The following METTL4 variants were observed in gnomAD, a reference collection of about 807,000 sequenced individuals.
METTL4 encodes N(6)-adenine-specific methyltransferase METTL4.
Under a neutral mutation model 54.0 loss-of-function variants are expected in METTL4, and 40 were observed. The ratio of observed to expected loss-of-function variants is 0.74; its 90% CI spans 0.58 to 0.96. The LOEUF (loss-of-function observed/expected upper bound fraction) is 0.96. Ranked by LOEUF, METTL4 falls within the 50% of genes least tolerant of loss-of-function variation. The probability of loss-of-function intolerance (pLI) is 0.00; values close to 1 mark genes in which losing one functional copy is unlikely to be tolerated. For missense variants in METTL4, 525 were observed against 549.0 expected, an observed-to-expected ratio of 0.96 and a Z score of 0.44; for synonymous variants, 169 against 183.8, an observed-to-expected ratio of 0.92 and a Z score of 0.65.
At chr18:2,545,002 A>G (rs2072051010) in intron 6 of METTL4, among the ~76,000 whole-genome samples, 1 of 152,136 alleles carries the variant, frequency 6.6e-6, no homozygotes, top group South Asian at 2.1e-4. Context: ...TGTCATTTCA[A>G]TATGTAATCA....
chr18:2,547,650 G>A (rs1363028271), intron 5 of METTL4, 121 bp from the exon 6 acceptor site: 1 of 679,504 alleles, frequency 1.5e-6, no homozygotes, highest in Non-Finnish European at 2.2e-6. Context: ...ATTTATTTGT[G>A]TAGCAAAATA....
In METTL4 at chr18:2,567,046, T is replaced by G; in HGVS notation, c.171A>C (p.Gly57=). 3 of 1,614,134 alleles carry G rather than the reference T, an allele frequency of 1.9e-6. No individual in the cohort carries two copies. The highest frequency in any genetic ancestry group is 2.5e-6 in the Non-Finnish European group (3 of 1,180,008). The part of the protein sequence containing the change: ...SLQMDSVSSS[G]VCAAFIASDS... ...CAGAAGCAATAAATGCAGCACAGAC[T>G]CCAGAGGAGGACACAGAATCCATTT... The change falls in exon 2 of 9, where the codon GGA becomes GGC. Residue 57 remains glycine (G), a synonymous_variant. Transcript: ENST00000574538.
intron 8 of METTL4, among the ~76,000 whole-genome samples, chr18:2,541,867 T>C (rs2071997246): frequency 6.6e-6 from 1 of 152,134 alleles, no homozygotes; most frequent in South Asian, 2.1e-4. Flanking sequence ...ACAGAATATA[T>C]ATCATCCCAA....
At chr18:2,559,540 T>C (rs2072285764) in intron 3 of METTL4, among the ~76,000 whole-genome samples, 1 of 152,168 alleles carries the variant, frequency 6.6e-6, no homozygotes, top group Admixed American at 6.5e-5. Context: ...CACTAAATTG[T>C]ACATCTAAAA....
chr18:2,565,947 T>C (rs998092282), intron 2 of METTL4, among the ~76,000 whole-genome samples: 1 of 151,722 alleles, frequency 6.6e-6, no homozygotes, highest in Non-Finnish European at 1.5e-5. Flanking sequence ...CTCGGGAGGC[T>C]GAGGCAGGAG....
chr18:2,568,478 A>G (rs8097536), intron 1 of METTL4: 147,541 of 152,328 alleles, frequency 0.97, 71,599 homozygotes, highest in South Asian at 1. Flanking sequence ...GTGGCTGGGC[A>G]TGGTGGCCCA....
In METTL4 at chr18:2,562,978, A is replaced by G. The variant is rs560096731; in HGVS notation, c.459+819T>C. Among the ~76,000 whole-genome samples, 7 of 152,328 alleles carry G rather than the reference A, an allele frequency of 4.6e-5. No homozygotes were observed. In the South Asian group the frequency reaches 1.0e-3, roughly 23 times the overall value. On this transcript the variant is annotated intron_variant, in intron 3 of 8. Transcript: ENST00000574538. ...GGGAAAAAAAACCCAGGGTTCTACC[A>G]TCACATTAATTCAACAAGACCGAAT... is the stretch of plus-strand genomic sequence containing the variant.
At position 2,539,064 on chromosome 18, in the gene METTL4, C is replaced by T. The variant is rs1352131987; in HGVS notation, c.1355G>A (p.Trp452Ter). The T allele has an allele frequency of 6.2e-7, 1 of 1,613,866 alleles. No individual in the cohort carries two copies. The highest frequency in any genetic ancestry group is 1.1e-5 in the South Asian group (1 of 91,076). ...CTGAAATTTGAGAACTTCATTGCCC[C>T]AACTAGTCCAACCTGGCTGTAAATT... ...ARNLQPGWTSWGNEVLKFQHV... is the reference protein window; with the variant it reads ...ARNLQPGWTS The change falls in exon 9 of 9, where the codon TGG (tryptophan) becomes TAG (stop). Residue 452 changes from tryptophan to a stop codon, truncating the protein, a stop_gained. Transcript: ENST00000574538. LOFTEE classifies it high-confidence loss of function.
chr18:2,549,480 C>T (rs573142913), intron 5 of METTL4, among the ~76,000 whole-genome samples: 22 of 152,234 alleles, frequency 1.4e-4, no homozygotes, highest in African/African-American at 5.1e-4. Context: ...AATTCCATCA[C>T]CTTCTATCTA....
At chr18:2,542,748 G>A (rs887594344) in intron 8 of METTL4, among the ~76,000 whole-genome samples, 1 of 151,978 alleles carries the variant, frequency 6.6e-6, no homozygotes, top group Non-Finnish European at 1.5e-5. Flanking sequence ...TAAGGCAATC[G>A]ATTATTCACT....
chr18:2,569,923 G>A (rs569097847), intron 1 of METTL4, among the ~76,000 whole-genome samples: 1 of 152,264 alleles, frequency 6.6e-6, no homozygotes, highest in Non-Finnish European at 1.5e-5. Flanking sequence ...TGGGTCCTCA[G>A]CCCTGCCACC....
At chr18:2,539,950 C>T in intron 8 of METTL4, 1 of 972,174 alleles carries the variant, frequency 1.0e-6, no homozygotes, top group Non-Finnish European at 1.2e-6. Context: ...GAACAAATAA[C>T]TAACATTTAA....
rs2072212123 is a variant in METTL4, at chr18:2,554,755, AT to A, written c.742del (p.Ile248LeufsTer3). ...VENNSSFTKV[I>X]TLMGQKYLLP... Reference sequence around the variant, plus strand: ...CAGGTATTTCTGTCCCATTAAAGTAATCACTTTTGTAAAGCTAGAGTTGTTT... The same window carrying A: ...CAGGTATTTCTGTCCCATTAAAGTAACACTTTTGTAAAGCTAGAGTTGTTT... On this transcript the variant is annotated frameshift_variant, in exon 4 of 9. Transcript: ENST00000574538. LOFTEE classifies it high-confidence loss of function. 9 of 1,613,474 alleles carry A rather than the reference AT, an allele frequency of 5.6e-6. No homozygotes were observed. Among genetic ancestry groups the A allele is most frequent in the Non-Finnish European group, 7.6e-6 (9 of 1,179,820 alleles).
At chr18:2,555,251 A>G in intron 3 of METTL4, 1 of 558,470 alleles carries the variant, frequency 1.8e-6, no homozygotes, top group Non-Finnish European at 3.1e-6. Context: ...TTCACTGACA[A>G]CTAAATAACC....
chr18:2,567,016 A>G lies in METTL4; in HGVS notation c.201T>C (p.Ser67=), dbSNP rs2072429563. The stretch of plus-strand genomic sequence containing the variant: ...CATCATCATTCTCTGGCTTAGTGGA[A>G]GAGTCAGAAGCAATAAATGCAGCAC... ...GVCAAFIASD[S]STKPENDDGG... is the part of the protein sequence containing the mutation. The change falls in exon 2 of 9, where the codon TCT becomes TCC. Residue 67 remains serine, a synonymous_variant. Transcript: ENST00000574538. 1 of 1,614,068 alleles carries G rather than the reference A, an allele frequency of 6.2e-7. No individual in the cohort carries two copies. Among genetic ancestry groups the G allele is most frequent in the Non-Finnish European group, 8.5e-7 (1 of 1,180,020 alleles).
rs1387857505 is a variant in METTL4, at chr18:2,540,112, G to A, written c.1274-967C>T. ...AATGTATTAATAACTACTGAACATT[G>A]TATTTTGTTGGGGAAAGAGCTGTAG... On this transcript the variant is annotated intron_variant, in intron 8 of 8. Coordinates refer to ENST00000574538, the MANE Select transcript of METTL4 (RefSeq NM_022840.5). 3.1e-6 allele frequency: 3 copies of A among 981,778 alleles called. No individual in the cohort carries two copies. In the African/African-American group the frequency reaches 5.3e-5, roughly 17 times the overall value. 60.8% of individuals were successfully genotyped at this position (981,778 alleles called of 1,614,324 possible).
At chr18:2,551,158 C>T (rs1257723190) in intron 5 of METTL4, among the ~76,000 whole-genome samples, 9 of 117,622 alleles carry the variant, frequency 7.7e-5, no homozygotes, top group East Asian at 2.3e-4. Context: ...AACGAGACTC[C>T]GTCTCAAAAA....
chr18:2,569,025 G>C (rs1312971212), intron 1 of METTL4: 3 of 190,534 alleles, frequency 1.6e-5, no homozygotes, highest in East Asian at 2.4e-4. Context: ...AATTCAGATA[G>C]CATCAAAGTT....
chr18:2,537,640 G>A lies in METTL4; in HGVS notation c.*1360C>T, dbSNP rs17534687. 66,969 of 366,200 alleles carry A rather than the reference G, an allele frequency of 0.18. 6,853 individuals carry two copies. Among genetic ancestry groups the A allele is most frequent in the South Asian group, 0.28 (1,917 of 6,770 alleles). 22.7% of individuals were successfully genotyped at this position (366,200 alleles called of 1,614,324 possible). ...TGATACTATACTCACACACTCAAAG[G>A]ATGAACAAACTTCAAAAATAACATA... On this transcript the variant is annotated 3_prime_UTR_variant, in exon 9 of 9. Coordinates refer to ENST00000574538, the MANE Select transcript of METTL4 (RefSeq NM_022840.5).
Sources: gnomAD v4.1 joint callset for allele counts (sites outside exome capture counted in the v4.1 genomes callset) on GRCh38, gnomAD v4.1.1 for gene constraint, MANE v1.5 for transcripts, NCBI Gene and HGNC (gene_info 2026-07-23, HGNC 2026-07-21) for gene names.